The following C6 variants were observed in gnomAD, a reference collection of about 807,000 sequenced individuals.
C6 encodes complement component C6.
A neutral mutation model predicts 112.9 loss-of-function variants in C6; 101 were observed. The ratio of observed to expected loss-of-function variants is 0.89; its 90% CI spans 0.76 to 1.06. The LOEUF is 1.06. C6 is among the 50% of genes least tolerant of loss of function. C6 has a pLI of 0.00. For synonymous variants in C6, 431 were observed against 384.1 expected, an observed-to-expected ratio of 1.12 and a Z score of -1.43; for missense variants, 1,202 against 1,104.6, an observed-to-expected ratio of 1.09 and a Z score of -1.25.
chr5:41,186,038 G>T (rs1440663643), intron 6 of C6, 32 bp downstream of exon 6: 1 of 1,613,484 alleles, frequency 6.2e-7, no homozygotes, highest in East Asian at 2.2e-5. Flanking sequence ...CACTGACGGT[G>T]TTGGAGTTGC....
At chr5:41,198,149 A>T (rs1580170176) in intron 4 of C6, among the ~76,000 whole-genome samples, 1 of 152,320 alleles carries the variant, frequency 6.6e-6, no homozygotes, top group South Asian at 2.1e-4. Flanking sequence ...ATACATCAAA[A>T]TAATCCATTT....
rs144285469 is a variant in C6 at position 41,171,410 on chromosome 5, G to T, written c.1291+815C>A. Among the ~76,000 whole-genome samples the T allele has an allele frequency of 4.6e-3, 708 of 152,264 alleles. 5 individuals are homozygous for T. Among genetic ancestry groups the T allele is most frequent in the African/African-American group, 0.015 (620 of 41,568 alleles). On this transcript the variant is annotated intron_variant, in intron 9 of 17. Transcript: ENST00000337836. ...ACCATGTCACTTAGTCTTCACAACA[G>T]TCCTACTGGGCTATAATGTAAAGGC...
At chr5:41,208,652 C>T (rs1469911415) in intron 1 of C6, among the ~76,000 whole-genome samples, 2 of 152,146 alleles carry the variant, frequency 1.3e-5, no homozygotes, top group Non-Finnish European at 2.9e-5. Context: ...ACACATACAA[C>T]CTCTCAAGAC....
intron 5 of C6, among the ~76,000 whole-genome samples, chr5:41,187,699 T>TACACACACACACACAC (rs201227440): frequency 1.6e-5 from 2 of 123,230 alleles, no homozygotes; most frequent in African/African-American, 6.1e-5. Context: ...GACACACACA[T>TACACACACACACACAC]ACACACACAC....
At position 41,142,770 on chromosome 5, in the gene C6, T is replaced by G; in HGVS notation, c.*55A>C. On this transcript the variant is annotated 3_prime_UTR_variant, in exon 18 of 18. Coordinates refer to ENST00000337836, the MANE Select transcript of C6 (RefSeq NM_000065.5). Reference sequence around the variant, plus strand: ...GTGCAAGAATTCTCATTTGTAGGAGTTGGTTCTTCGGGATGGTAAATCTGT... The same window carrying G: ...GTGCAAGAATTCTCATTTGTAGGAGGTGGTTCTTCGGGATGGTAAATCTGT... 7.4e-7 allele frequency: 1 copy of G among 1,342,726 alleles called. No individual in the cohort carries two copies. Among genetic ancestry groups the G allele is most frequent in the Non-Finnish European group, 1.1e-6 (1 of 933,546 alleles). The allele number at this position is 1,342,726 out of a possible 1,614,324, so 83.2% of individuals were successfully genotyped here.
chr5:41,226,254 A>G (rs1222370342), intron 1 of C6, among the ~76,000 whole-genome samples: 1 of 152,202 alleles, frequency 6.6e-6, no homozygotes, highest in African/African-American at 2.4e-5. Context: ...ACAAATTTAC[A>G]AGACAAAAAC....
At chr5:41,211,415 A>G (rs1751917460) in intron 1 of C6, among the ~76,000 whole-genome samples, 1 of 151,758 alleles carries the variant, frequency 6.6e-6, no homozygotes, top group South Asian at 2.1e-4. Context: ...TTTTTTTCCC[A>G]CTCCACTTGC....
At chr5:41,179,677 GTTATA>G (rs1749159745) in intron 7 of C6, among the ~76,000 whole-genome samples, 1 of 147,700 alleles carries the variant, frequency 6.8e-6, no homozygotes, top group Non-Finnish European at 1.5e-5. Flanking sequence ...TAAAATATAT[GTTATA>G]TTATATATAT....
intron 1 of C6, among the ~76,000 whole-genome samples, chr5:41,247,250 A>G (rs1580254155): frequency 2.0e-5 from 3 of 152,272 alleles, no homozygotes; most frequent in African/African-American, 4.8e-5. Context: ...AAGTCAAACT[A>G]TCTCTCCTAA....
At chr5:41,161,565 A>G in intron 10 of C6, 128 bp downstream of exon 10, 1 of 807,860 alleles carries the variant, frequency 1.2e-6, no homozygotes, top group East Asian at 2.5e-5. Context: ...TACATTGTGC[A>G]TGAATACTAA....
chr5:41,200,891 G>GTTGTTTTTTTTTT (rs1447605950), intron 3 of C6, among the ~76,000 whole-genome samples: 1 of 70,670 alleles, frequency 1.4e-5, no homozygotes. Context: ...TGTTGTTGTT[G>GTTGTTTTTTTTTT]TTTTTTTTTT....
Position 41,159,155 on chromosome 5 carries a change from G to T in C6, c.1783C>A (p.Gln595Lys), listed in dbSNP as rs1262052028. Residue 595 changes from glutamine to lysine, a missense_variant, in exon 12 of 18, where the codon CAA becomes AAA. Physicochemically the swap from Gln to Lys is moderately conservative, Grantham distance 53 (BLOSUM62 1). Transcript: ENST00000337836. ...CCCTCACAGCGTTTCCCTCCTCGTTGGGGGGCAGGATTATTGCATTCTCGG... is the reference window on the plus strand; with the variant it reads ...CCCTCACAGCGTTTCCCTCCTCGTTTGGGGGCAGGATTATTGCATTCTCGG... ...RTRECNNPAPQRGGKRCEGEK... is the reference protein window; with the variant it reads ...RTRECNNPAPKRGGKRCEGEK... The T allele has an allele frequency of 1.9e-6, 3 of 1,613,444 alleles. No homozygotes were observed. Among genetic ancestry groups the T allele is most frequent in the Non-Finnish European group, 2.5e-6 (3 of 1,179,704 alleles).
In C6 at chr5:41,175,744, G is replaced by T. The variant is rs183897354; in HGVS notation, c.1168+731C>A. Among the ~76,000 whole-genome samples the T allele has an allele frequency of 7.9e-4, 121 of 152,338 alleles. 1 individual carries two copies. The highest frequency in any genetic ancestry group is 2.8e-3 in the African/African-American group (116 of 41,590). Reference sequence around the variant, plus strand: ...GAGACAAAACCAAGTCAAGAGCAGAGATTTCCCCTAATTACTTCTGCTCAG... The same window carrying T: ...GAGACAAAACCAAGTCAAGAGCAGATATTTCCCCTAATTACTTCTGCTCAG... On this transcript the variant is annotated intron_variant, in intron 8 of 17. Coordinates refer to ENST00000337836, the MANE Select transcript of C6 (RefSeq NM_000065.5).
chr5:41,249,897 A>ACATTTTTTTAAATG (rs1446642487), intron 1 of C6, among the ~76,000 whole-genome samples: 22 of 152,352 alleles, frequency 1.4e-4, no homozygotes, highest in African/African-American at 4.6e-4. Flanking sequence ...TTTCAGAGTC[A>ACATTTTTTTAAATG]TGTTTAAAAA....
chr5:41,152,280 G>T (rs1746481218), intron 15 of C6, among the ~76,000 whole-genome samples: 1 of 151,758 alleles, frequency 6.6e-6, no homozygotes, highest in Admixed American at 6.6e-5. Context: ...TGAGGGAGGG[G>T]GATGAAAATA....
At chr5:41,179,923 T>C (rs899374698) in intron 7 of C6, among the ~76,000 whole-genome samples, 1 of 152,036 alleles carries the variant, frequency 6.6e-6, no homozygotes, top group African/African-American at 2.4e-5. Flanking sequence ...TTATTTACTG[T>C]AAGATCACTG....
chr5:41,246,492 G>T (rs966352460), intron 1 of C6, among the ~76,000 whole-genome samples: 1 of 152,152 alleles, frequency 6.6e-6, no homozygotes, highest in Admixed American at 6.5e-5. Flanking sequence ...AGTGTCCAAA[G>T]TAATCTTCAG....
intron 1 of C6, among the ~76,000 whole-genome samples, chr5:41,232,877 C>T (rs1049805218): frequency 1.3e-5 from 2 of 151,888 alleles, no homozygotes; most frequent in South Asian, 2.1e-4. Context: ...TTATATCTCT[C>T]ATTACATTAT....
intron 9 of C6, among the ~76,000 whole-genome samples, chr5:41,167,695 G>A (rs1190380228): frequency 1.3e-5 from 2 of 152,080 alleles, no homozygotes; most frequent in East Asian, 1.9e-4. Context: ...TCAAGCTTGA[G>A]GCACAAAGAG....
Sources: allele counts gnomAD v4.1 joint callset (sites outside exome capture counted in the v4.1 genomes callset), GRCh38; gene constraint gnomAD v4.1.1; transcripts MANE v1.5; gene names NCBI Gene and HGNC (gene_info 2026-07-23, HGNC 2026-07-21).